PCDHGA8: variants seen among roughly 807,000 people sequenced by gnomAD.
The protein encoded by PCDHGA8 is protocadherin gamma subfamily A, 8.
A neutral mutation model predicts 59.2 loss-of-function variants in PCDHGA8; 45 were observed. The observed-to-expected ratio is 0.76, with a 90% confidence interval of 0.60 to 0.98. PCDHGA8 has a LOEUF of 0.98. Ranked by LOEUF, PCDHGA8 falls within the 50% of genes least tolerant of loss-of-function variation. The probability of loss-of-function intolerance (pLI) is 0.00; values close to 1 mark genes in which losing one functional copy is unlikely to be tolerated. For synonymous variants in PCDHGA8, 531 were observed against 519.0 expected (o/e 1.02, Z -0.32); for missense variants, 1,257 against 1,196.2 (o/e 1.05, Z -0.75).
At chr5:141,445,070 A>G (rs185808898) in intron 1 of PCDHGA8, among the ~76,000 whole-genome samples, 30 of 152,306 alleles carry the variant, frequency 2.0e-4, no homozygotes, top group African/African-American at 7.2e-4. Context: ...TATATTTCTC[A>G]TTAAATTGTC....
chr5:141,415,584 T>C lies in PCDHGA8; in HGVS notation c.2424+20347T>C, dbSNP rs763238799. 7.4e-6 allele frequency: 12 copies of C among 1,614,012 alleles called. No individual in the cohort carries two copies. In the South Asian group the frequency reaches 1.3e-4, roughly 18 times the overall value. ...TGTCTTTGTTAGATGATTCGAAGTT[T>C]CCTATAGAGGATACCCCATTGGTTC... On this transcript the variant is annotated intron_variant, in intron 1 of 3. Coordinates refer to ENST00000398604, the MANE Select transcript of PCDHGA8 (RefSeq NM_032088.2).
At chr5:141,503,284 G>C (rs899456087) in intron 2 of PCDHGA8, among the ~76,000 whole-genome samples, 2 of 152,044 alleles carry the variant, frequency 1.3e-5, no homozygotes, top group African/African-American at 4.8e-5. Flanking sequence ...TCTGTGTCTG[G>C]TACATAGAAA....
chr5:141,394,644 G>A lies in PCDHGA8; in HGVS notation c.1831G>A (p.Ala611Thr). The stretch of plus-strand genomic sequence containing the variant: ...CTGGCTGTCCTACCGCCTGCTCAAG[G>A]CCAGCGAGCCGGGACTCTTCTCGGT... ...NAWLSYRLLK[A>T]SEPGLFSVGL... The change falls in exon 1 of 4, where the codon GCC becomes ACC. Residue 611 changes from alanine (A) to threonine (T), a missense_variant. Transcript: ENST00000398604. 1.2e-6 allele frequency: 2 copies of A among 1,613,358 alleles called. No individual in the cohort carries two copies. Among genetic ancestry groups the A allele is most frequent in the Non-Finnish European group, 1.7e-6 (2 of 1,179,934 alleles).
Position 141,403,985 on chromosome 5 carries a change from C to T in PCDHGA8, c.2424+8748C>T, listed in dbSNP as rs765326042. The T allele has an allele frequency of 5.7e-5, 92 of 1,613,546 alleles. No individual in the cohort carries two copies. The Admixed American group carries it at 7.2e-4, about 13-fold the overall frequency. On this transcript the variant is annotated intron_variant, in intron 1 of 3. Coordinates refer to ENST00000398604, the MANE Select transcript of PCDHGA8 (RefSeq NM_032088.2). ...GGTGGAAGATGTAAATGACAATAGA[C>T]CTGAAGTGACCATTACATCTCTGTT...
At chr5:141,399,564 G>C (rs1284243936) in intron 1 of PCDHGA8, 3 of 1,614,038 alleles carry the variant, frequency 1.9e-6, no homozygotes, top group East Asian at 4.5e-5. Flanking sequence ...ACTTGGGGTT[G>C]AACGGCCAAG....
At chr5:141,429,387 T>A (rs372199649) in intron 1 of PCDHGA8, among the ~76,000 whole-genome samples, 4,783 of 151,430 alleles carry the variant, frequency 0.032, 106 homozygotes, top group African/African-American at 0.043. Context: ...GTTTTTTTTT[T>A]AAAAAAAATT....
chr5:141,414,778 C>T (rs1346896593), intron 1 of PCDHGA8: 12 of 1,614,202 alleles, frequency 7.4e-6, no homozygotes, highest in Non-Finnish European at 1.0e-5. Context: ...GCTACAGATG[C>T]AGGTGACAGC....
intron 1 of PCDHGA8, among the ~76,000 whole-genome samples, chr5:141,444,175 TTTTTTTTTTTTTTG>T (rs2098423325): frequency 7.6e-6 from 1 of 131,192 alleles, no homozygotes; most frequent in African/African-American, 3.0e-5. Flanking sequence ...TTTTTTTTTT[TTTTTTTTTTTTTTG>T]AGATGGAGTT....
At position 141,394,856 on chromosome 5, in the gene PCDHGA8, G is replaced by T. The variant is rs1008039711; in HGVS notation, c.2043G>T (p.Ser681=). 1.2e-6 allele frequency: 2 copies of T among 1,613,674 alleles called. No individual in the cohort carries two copies. The highest frequency in any genetic ancestry group is 2.7e-5 in the African/African-American group (2 of 74,912). The change falls in exon 1 of 4, where the codon TCG becomes TCT. Residue 681 remains serine, a synonymous_variant. Transcript: ENST00000398604. The part of the protein sequence containing the change: ...VLTELGSLKP[S]VDPNDSSLTL... ...CCGAGTTGGGCAGTCTGAAGCCTTC[G>T]GTCGACCCGAACGATTCGAGCCTTA... is the stretch of plus-strand genomic sequence containing the variant.
chr5:141,441,609 A>G (rs922588350), intron 1 of PCDHGA8: 2 of 218,734 alleles, frequency 9.1e-6, no homozygotes, highest in South Asian at 5.5e-5. Context: ...TCCCTATTCC[A>G]TCGTGGCCAG....
chr5:141,421,125 C>G, intron 1 of PCDHGA8: 1 of 804,210 alleles, frequency 1.2e-6, no homozygotes, highest in Admixed American at 3.0e-5. Flanking sequence ...CCTTCGCTTT[C>G]TGATATATTT....
chr5:141,416,650 A>G (rs935670434), intron 1 of PCDHGA8: 2 of 152,238 alleles, frequency 1.3e-5, no homozygotes, highest in Admixed American at 6.5e-5. Context: ...CCACAGCTGT[A>G]AAAAAGAAAA....
At chr5:141,408,375 T>A in intron 1 of PCDHGA8, 1 of 1,613,972 alleles carries the variant, frequency 6.2e-7, no homozygotes, top group Non-Finnish European at 8.5e-7. Context: ...GGGCTCAGTG[T>A]CCTGGATGTG....
rs767580455 is a variant in PCDHGA8 at position 141,402,948 on chromosome 5, C to G, written c.2424+7711C>G. The G allele has an allele frequency of 7.5e-6, 12 of 1,592,864 alleles. No individual in the cohort carries two copies. In the African/African-American group the frequency reaches 1.2e-4, roughly 16 times the overall value. On this transcript the variant is annotated intron_variant, in intron 1 of 3. Transcript: ENST00000398604. ...CTTTTGAGAAAATTCCAAAGCGAGG[C>G]AGCAATGGCAGCTCCAACCAAATGC... is the stretch of plus-strand genomic sequence containing the variant.
chr5:141,394,463 G>C lies in PCDHGA8; in HGVS notation c.1650G>C (p.Leu550=), dbSNP rs1244366845. The C allele has an allele frequency of 6.2e-7, 1 of 1,614,130 alleles. No individual in the cohort carries two copies. The highest frequency in any genetic ancestry group is 8.5e-7 in the Non-Finnish European group (1 of 1,180,052). The part of the protein sequence containing the change: ...PPLSSNMSLS[L]FVLDQNDNAP... ...TCAGCAGCAACATGTCACTGAGCCT[G>C]TTCGTGCTGGACCAGAATGACAACG... The change falls in exon 1 of 4, where the codon CTG becomes CTC. Residue 550 remains leucine (L), a synonymous_variant. Coordinates refer to ENST00000398604, the MANE Select transcript of PCDHGA8 (RefSeq NM_032088.2).
intron 1 of PCDHGA8, among the ~76,000 whole-genome samples, chr5:141,492,409 C>T (rs1367119266): frequency 6.6e-6 from 1 of 152,230 alleles, no homozygotes. Context: ...TCCCCTCTGC[C>T]GCTCCCTCCG....
Position 141,429,390 on chromosome 5 carries a change from A to ATTTT in PCDHGA8, c.2424+34153_2424+34154insTTTT, listed in dbSNP as rs1561841316. ...TGGAGAAAATGTGTTTTTTTTTTAA[A>ATTTT]AAAAATTGAGATTAAGGTCTCATTA... On this transcript the variant is annotated intron_variant, in intron 1 of 3. Coordinates refer to ENST00000398604, the MANE Select transcript of PCDHGA8 (RefSeq NM_032088.2). 1.2e-4 allele frequency among the ~76,000 whole-genome samples: 18 copies of ATTTT among 150,328 alleles called. No homozygotes were observed. In the East Asian group the frequency reaches 1.9e-3, roughly 16 times the overall value.
In PCDHGA8 at chr5:141,392,927, G is replaced by C. The variant is rs758960557; in HGVS notation, c.114G>C (p.Glu38Asp). The C allele has an allele frequency of 5.6e-6, 9 of 1,613,832 alleles. No homozygotes were observed. In the East Asian group the frequency reaches 2.0e-4, roughly 36 times the overall value. Residue 38 changes from glutamate to aspartate, a missense_variant, in exon 1 of 4, where the codon GAG becomes GAC. Physicochemically the swap from Glu to Asp is conservative, Grantham distance 45. Coordinates refer to ENST00000398604, the MANE Select transcript of PCDHGA8 (RefSeq NM_032088.2). Reference sequence around the variant, plus strand: ...AGATTCGCTACTCTGTGCCAGAAGAGACGGACAAAGGCTCCTTCGTGGGTA... The same window carrying C: ...AGATTCGCTACTCTGTGCCAGAAGACACGGACAAAGGCTCCTTCGTGGGTA... ...RGQIRYSVPE[E>D]TDKGSFVGNI...
In PCDHGA8 at chr5:141,487,829, C is replaced by T. The variant is rs528435429; in HGVS notation, c.2425-6978C>T. On this transcript the variant is annotated intron_variant, in intron 1 of 3. Transcript: ENST00000398604. The surrounding 1 kb of genome is among the most constrained non-coding windows in gnomAD (Gnocchi z 5.0). ...GTTTAGCATTGGGGGCGGGTCATGC[C>T]TATATCTGAGTAAGAAATGAAAGTA... The T allele has an allele frequency of 1.1e-4, 125 of 1,182,994 alleles. No homozygotes were observed. In the Middle Eastern group the frequency reaches 3.7e-3, roughly 35 times the overall value. 73.3% of individuals were successfully genotyped at this position (1,182,994 alleles called of 1,614,324 possible).
Sources: gnomAD v4.1 joint callset for allele counts (sites outside exome capture counted in the v4.1 genomes callset) on GRCh38, gnomAD v4.1.1 for gene constraint, Gnocchi (gnomAD v3.1) non-coding constraint, MANE v1.5 for transcripts, NCBI Gene and HGNC (gene_info 2026-07-23, HGNC 2026-07-21) for gene names.